Variants in P4HA3 observed in about 807,000 individuals in gnomAD.
P4HA3 encodes prolyl 4-hydroxylase subunit alpha-3.
In P4HA3, 60 loss-of-function variants were observed where a neutral mutation model predicts 66.7. That is an observed-to-expected ratio of 0.90 (90% CI 0.73 to 1.12). P4HA3 has a LOEUF of 1.12. Among genes scored for constraint, P4HA3 ranks in the 50% most tolerant of loss-of-function variants. P4HA3 has a pLI of 0.00. For synonymous variants in P4HA3, 263 were observed against 274.6 expected (o/e 0.96, Z 0.42); for missense variants, 683 against 685.8 (o/e 1.00, Z 0.05).
At chr11:74,275,326 A>G (rs1290147802) in intron 9 of P4HA3, among the ~76,000 whole-genome samples, 1 of 152,174 alleles carries the variant, frequency 6.6e-6, no homozygotes, top group Non-Finnish European at 1.5e-5. Flanking sequence ...TACATCTATG[A>G]CCCATTTTGT....
In P4HA3 at chr11:74,266,784, G is replaced by C. The variant is rs193147955; in HGVS notation, c.*464C>G. On this transcript the variant is annotated 3_prime_UTR_variant, in exon 13 of 13. Transcript: ENST00000331597. Reference sequence around the variant, plus strand: ...ATCTGGGATATGCTTCTGGGAGGGGGACACTCCCTGCTTGGGCTGCAGCAG... The same window carrying C: ...ATCTGGGATATGCTTCTGGGAGGGGCACACTCCCTGCTTGGGCTGCAGCAG... 12 of 454,248 alleles carry C rather than the reference G, an allele frequency of 2.6e-5. No homozygotes were observed. In the Admixed American group the frequency reaches 3.5e-4, roughly 13 times the overall value. 28.1% of individuals were successfully genotyped at this position (454,248 alleles called of 1,614,324 possible).
intron 15 of P4HA3, among the ~76,000 whole-genome samples, chr11:74,256,507 A>G (rs1383139010): frequency 2.6e-5 from 4 of 152,160 alleles, no homozygotes; most frequent in Non-Finnish European, 1.5e-5. Flanking sequence ...TTCCAAGTCT[A>G]CTGAGCATTC....
At position 74,268,251 on chromosome 11, in the gene P4HA3, G is replaced by C. The variant is rs1196998821; in HGVS notation, c.1468-10C>G. 6.2e-7 allele frequency: 1 copy of C among 1,611,450 alleles called. No individual in the cohort carries two copies. Among genetic ancestry groups the C allele is most frequent in the Admixed American group, 1.7e-5 (1 of 59,964 alleles). On this transcript the variant is annotated splice_polypyrimidine_tract_variant and intron_variant, in intron 11 of 12. Transcript: ENST00000331597. ...AAAACAGTGCTGCATTCTGAAACAA[G>C]AGGGCCCAGCCCCAGGGAGGGTCAG... is the stretch of plus-strand genomic sequence containing the variant.
At chr11:74,266,201 G>A (rs929533603), downstream of P4HA3, among the ~76,000 whole-genome samples, 8 of 151,914 alleles carry the variant, frequency 5.3e-5, no homozygotes, top group African/African-American at 1.7e-4. Flanking sequence ...AGTGGTGGGA[G>A]GTGAGCTGCA....
intron 3 of P4HA3, among the ~76,000 whole-genome samples, chr11:74,299,656 T>C (rs1411355779): frequency 1.4e-5 from 2 of 139,364 alleles, no homozygotes; most frequent in East Asian, 4.1e-4. Flanking sequence ...CGTTTTATTA[T>C]ATATTTTCAA....
intron 4 of P4HA3, 128 bp downstream of exon 4, chr11:74,298,084 T>G: frequency 1.8e-6 from 2 of 1,129,900 alleles, no homozygotes; most frequent in South Asian, 3.4e-5. Flanking sequence ...ACTTCCCTGC[T>G]TGGCTCAGTT....
Position 74,304,352 on chromosome 11 carries a change from C to G in P4HA3, c.261G>C (p.Leu87=), listed in dbSNP as rs756963193. The G allele has an allele frequency of 1.9e-6, 3 of 1,614,114 alleles. No individual in the cohort carries two copies. The highest frequency in any genetic ancestry group is 2.5e-6 in the Non-Finnish European group (3 of 1,179,984). The change falls in exon 2 of 13, where the codon CTG becomes CTC. Residue 87 remains leucine, a synonymous_variant. Coordinates refer to ENST00000331597, the MANE Select transcript of P4HA3 (RefSeq NM_182904.5). ...GGCGTTTGATGAGAGTAAATGCAAGCAGAGGGTTAGCCACAGGGGTTGTTG... is the reference window on the plus strand; with the variant it reads ...GGCGTTTGATGAGAGTAAATGCAAGGAGAGGGTTAGCCACAGGGGTTGTTG... ...EDSTTPVANP[L]LAFTLIKRLQ...
chr11:74,286,565 T>A (rs1045059664), intron 5 of P4HA3, among the ~76,000 whole-genome samples, 174 bp from the exon 6 acceptor site: 3 of 152,166 alleles, frequency 2.0e-5, no homozygotes, highest in African/African-American at 7.2e-5. Flanking sequence ...CCCAGAAGAC[T>A]ACCTGGTATT....
chr11:74,292,458 T>G (rs946041865), intron 4 of P4HA3, among the ~76,000 whole-genome samples: 1 of 152,256 alleles, frequency 6.6e-6, no homozygotes, highest in Non-Finnish European at 1.5e-5. Context: ...AATTCTGCTC[T>G]GATCTTAGTT....
At chr11:74,263,356 C>A (rs753641266), downstream of P4HA3, among the ~76,000 whole-genome samples, 1 of 152,204 alleles carries the variant, frequency 6.6e-6, no homozygotes, top group Non-Finnish European at 1.5e-5. Flanking sequence ...AAGGGATAGA[C>A]CTTTTCAATA....
intron 15 of P4HA3, among the ~76,000 whole-genome samples, chr11:74,256,674 TTGAA>T (rs1192958991): frequency 6.6e-6 from 1 of 152,128 alleles, no homozygotes; most frequent in Non-Finnish European, 1.5e-5. Flanking sequence ...CCCAGAATCC[TTGAA>T]TGAAGGATTG....
chr11:74,251,437 G>T, intron 15 of P4HA3: 1 of 1,407,330 alleles, frequency 7.1e-7, no homozygotes, highest in Non-Finnish European at 9.2e-7. Flanking sequence ...CATTCCTCTT[G>T]AGCTCTATGG....
At chr11:74,270,712 C>T (rs1281098926) in intron 10 of P4HA3, among the ~76,000 whole-genome samples, 1 of 152,284 alleles carries the variant, frequency 6.6e-6, no homozygotes, top group East Asian at 1.9e-4. Context: ...AGCTTAAGCA[C>T]TTTATAAAAG....
At chr11:74,267,432 C>T (rs1860028170) in intron 12 of P4HA3, 114 bp from the exon 13 acceptor site, 2 of 1,320,446 alleles carry the variant, frequency 1.5e-6, no homozygotes, top group Admixed American at 2.4e-5. Flanking sequence ...AATTCTGCAT[C>T]CTAGGTAACT....
Position 74,311,533 on chromosome 11 carries a change from G to A in P4HA3, c.79C>T (p.Arg27Trp), listed in dbSNP as rs1423620520. Reference protein sequence around the residue: ...GTGDPERAAARGDTFSALTSV... With the variant: ...GTGDPERAAAWGDTFSALTSV... ...GTCAGCGCCGAGAACGTGTCGCCCC[G>A]AGCCGCAGCCCTTTCTGGGTCTCCT... is the stretch of plus-strand genomic sequence containing the variant. Residue 27 changes from arginine to tryptophan, a missense_variant, in exon 1 of 13, where the codon CGG (arginine) becomes TGG (tryptophan). By Grantham distance (101) the Arg-to-Trp change is moderately radical. Transcript: ENST00000331597. The A allele has an allele frequency of 1.3e-6, 2 of 1,544,042 alleles. No homozygotes were observed. Among genetic ancestry groups the A allele is most frequent in the Middle Eastern group, 2.3e-4 (1 of 4,432 alleles).
intron 15 of P4HA3, chr11:74,253,869 C>A: frequency 2.6e-6 from 1 of 386,656 alleles, no homozygotes; most frequent in Non-Finnish European, 4.7e-6. Context: ...AATGTCTTCC[C>A]AGGCTCAGGG....
At chr11:74,300,673 T>C (rs1861379026) in intron 3 of P4HA3, among the ~76,000 whole-genome samples, 1 of 152,024 alleles carries the variant, frequency 6.6e-6, no homozygotes, top group African/African-American at 2.4e-5. Flanking sequence ...TCATAATCCA[T>C]AGAGGAAGGG....
chr11:74,311,454 C>CGCCTCAGCA lies in P4HA3; in HGVS notation c.149_157dup (p.Leu50_Arg52dup). On this transcript the variant is annotated inframe_insertion, in exon 1 of 13. Transcript: ENST00000331597. ...CCGCGCCTCCTCCCCGCGCAGGTAC[C>CGCCTCAGCA]GCCTCAGCAGCCCCAGCAGCCGGCG... 2 of 1,539,852 alleles carry CGCCTCAGCA rather than the reference C, an allele frequency of 1.3e-6. No homozygotes were observed. The highest frequency in any genetic ancestry group is 1.7e-6 in the Non-Finnish European group (2 of 1,150,354).
chr11:74,278,491 G>A (rs1392780549), intron 8 of P4HA3, among the ~76,000 whole-genome samples: 1 of 152,222 alleles, frequency 6.6e-6, no homozygotes, highest in Non-Finnish European at 1.5e-5. Flanking sequence ...CAGCGAAGTT[G>A]TGAGGACAGA....
Sources: allele counts gnomAD v4.1 joint callset (sites outside exome capture counted in the v4.1 genomes callset), GRCh38; gene constraint gnomAD v4.1.1; transcripts MANE v1.5; gene names NCBI Gene and HGNC (gene_info 2026-07-23, HGNC 2026-07-21).